Variants in NAA20 observed in about 807,000 individuals in gnomAD.
NAA20 encodes N-alpha-acetyltransferase 20, NatB catalytic subunit.
In NAA20, 24 loss-of-function variants were observed where a neutral mutation model predicts 23.8. The observed-to-expected ratio is 1.01, with a 90% CI of 0.73 to 1.42. The LOEUF is 1.42. Among genes scored for constraint, NAA20 ranks in the 40% most tolerant of loss-of-function variants. The pLI is 0.00. For synonymous variants in NAA20, 83 were observed against 77.7 expected, an observed-to-expected ratio of 1.07 and a Z score of -0.36; for missense variants, 166 against 223.1, an observed-to-expected ratio of 0.74 and a Z score of 1.63.
chr20:20,026,770 G>T lies in NAA20; in HGVS notation c.170-14G>T. On this transcript the variant is annotated splice_polypyrimidine_tract_variant and intron_variant, in intron 3 of 5. Coordinates refer to ENST00000334982, the MANE Select transcript of NAA20 (RefSeq NM_016100.5). ...TGTCTAGTTACTGAATGTGATTTTT[G>T]TTGTTGTTGGCAGTTATGGGTAAAG... The T allele has an allele frequency of 6.2e-7, 1 of 1,611,364 alleles. No homozygotes were observed. Among genetic ancestry groups the T allele is most frequent in the South Asian group, 1.1e-5 (1 of 90,716 alleles).
intron 2 of NAA20, among the ~76,000 whole-genome samples, chr20:20,024,654 G>C (rs2043295228): frequency 6.6e-6 from 1 of 152,172 alleles, no homozygotes; most frequent in South Asian, 2.1e-4. Context: ...ATATTTGAAA[G>C]TAACCTGTTA....
intron 1 of NAA20, chr20:20,018,431 G>A (rs1180054508): frequency 9.5e-6 from 2 of 209,650 alleles, no homozygotes; most frequent in South Asian, 9.4e-5. Context: ...TCCGATTCAA[G>A]TGTCAGGAAG....
At chr20:20,028,766 A>T (rs1223282667) in intron 4 of NAA20, among the ~76,000 whole-genome samples, 1 of 152,200 alleles carries the variant, frequency 6.6e-6, no homozygotes, top group African/African-American at 2.4e-5. Flanking sequence ...ATAGAAACCA[A>T]ACAAGTAGAG....
intron 1 of NAA20, among the ~76,000 whole-genome samples, chr20:20,021,447 A>T (rs2043267743): frequency 6.6e-6 from 1 of 152,200 alleles, no homozygotes; most frequent in Non-Finnish European, 1.5e-5. Flanking sequence ...AATTGTTAAA[A>T]CAATGCCATT....
intron 2 of NAA20, among the ~76,000 whole-genome samples, chr20:20,024,586 G>T (rs954553359): frequency 6.6e-6 from 1 of 152,158 alleles, no homozygotes; most frequent in Admixed American, 6.5e-5. Flanking sequence ...CGTTTATATG[G>T]TGTGCTTCCA....
intron 2 of NAA20, among the ~76,000 whole-genome samples, chr20:20,023,143 C>T (rs2043282533): frequency 6.6e-6 from 1 of 152,134 alleles, no homozygotes; most frequent in Non-Finnish European, 1.5e-5. Context: ...CAAGAACTAG[C>T]CAGCCGTGGT....
At chr20:20,017,926 A>G in intron 1 of NAA20, 4 of 1,610,184 alleles carry the variant, frequency 2.5e-6, no homozygotes, top group East Asian at 2.2e-5. Flanking sequence ...GAAGCTGGTC[A>G]GCAGCTGTTG....
Position 20,025,779 on chromosome 20 carries a change from A to G in NAA20, c.169+12A>G, listed in dbSNP as rs775460326. ...ATTAATGGGTTATAGTAAGTATAAT[A>G]CCACTAGTATTTTGTGGAGTAGGTA... On this transcript the variant is annotated intron_variant, in intron 3 of 5. Coordinates refer to ENST00000334982, the MANE Select transcript of NAA20 (RefSeq NM_016100.5). 11 of 1,516,896 alleles carry G rather than the reference A, an allele frequency of 7.3e-6. No individual in the cohort carries two copies. The South Asian group carries it at 1.1e-4, about 15-fold the overall frequency. 94.0% of individuals were successfully genotyped at this position (1,516,896 alleles called of 1,614,324 possible).
chr20:20,025,102 A>G (rs992462094), intron 2 of NAA20, among the ~76,000 whole-genome samples: 3 of 152,246 alleles, frequency 2.0e-5, no homozygotes, highest in Non-Finnish European at 4.4e-5. Flanking sequence ...GTCAGCTTTT[A>G]TCTGCATTAC....
At chr20:20,019,582 C>T (rs1041786512) in intron 1 of NAA20, among the ~76,000 whole-genome samples, 5 of 152,100 alleles carry the variant, frequency 3.3e-5, no homozygotes, top group African/African-American at 9.7e-5. Context: ...TCCACTTATT[C>T]CCCATTTTCT....
intron 1 of NAA20, among the ~76,000 whole-genome samples, chr20:20,020,817 G>A (rs991706995): frequency 3.3e-5 from 5 of 152,192 alleles, no homozygotes; most frequent in African/African-American, 1.2e-4. Flanking sequence ...GGCTGTCCCA[G>A]GAGTGGGAAG....
intron 4 of NAA20, among the ~76,000 whole-genome samples, chr20:20,030,794 GAATT>G (rs960483766): frequency 5.3e-5 from 8 of 151,862 alleles, no homozygotes; most frequent in Non-Finnish European, 1.0e-4. Context: ...TAAATGTTTA[GAATT>G]AATAAAAGGT....
At chr20:20,026,451 T>C (rs1020819843) in intron 3 of NAA20, among the ~76,000 whole-genome samples, 1 of 152,130 alleles carries the variant, frequency 6.6e-6, no homozygotes, top group Admixed American at 6.5e-5. Context: ...TACATCCACA[T>C]GTACCCACAT....
At chr20:20,021,683 GAAA>G (rs2043269473) in intron 1 of NAA20, among the ~76,000 whole-genome samples, 1 of 152,202 alleles carries the variant, frequency 6.6e-6, no homozygotes, top group Non-Finnish European at 1.5e-5. Flanking sequence ...CTGGACTACA[GAAA>G]TATGATATGA....
intron 3 of NAA20, among the ~76,000 whole-genome samples, chr20:20,026,173 C>G (rs1467821856): frequency 6.6e-6 from 1 of 152,024 alleles, no homozygotes. Context: ...GGCGTGGTAT[C>G]GCGTGCCTAT....
At position 20,033,326 on chromosome 20, in the gene NAA20, T is replaced by C; in HGVS notation, c.*139T>C. ...ACTTCAAGAAAATACAGGTTATCAA[T>C]TTATTTTAAATCTCATTGTTTCCAG... is the stretch of plus-strand genomic sequence containing the variant. On this transcript the variant is annotated 3_prime_UTR_variant, in exon 6 of 6. Coordinates refer to ENST00000334982, the MANE Select transcript of NAA20 (RefSeq NM_016100.5). 1.5e-6 allele frequency: 1 copy of C among 647,630 alleles called. No individual in the cohort carries two copies. The highest frequency in any genetic ancestry group is 2.6e-6 in the Non-Finnish European group (1 of 382,292). The allele number at this position is 647,630 out of a possible 1,614,324, so 40.1% of individuals were successfully genotyped here. A position where few individuals can be genotyped will look rare whatever the true frequency, so the allele number is the denominator to read the frequency against.
At position 20,033,110 on chromosome 20, in the gene NAA20, A is replaced by G; in HGVS notation, c.460A>G (p.Lys154Glu). ...ACTTTGCTTCTTTACAGATATGAGG[A>G]AAGCACTTTCCAGGGATACTGAGAA... Reference protein sequence around the residue: ...EPDEDAYDMRKALSRDTEKKS... With the variant: ...EPDEDAYDMREALSRDTEKKS... The change falls in exon 6 of 6, where the codon AAA (lysine) becomes GAA (glutamate). Residue 154 changes from lysine to glutamate, a missense_variant. Transcript: ENST00000334982. The G allele has an allele frequency of 3.1e-6, 5 of 1,612,586 alleles. No homozygotes were observed. Among genetic ancestry groups the G allele is most frequent in the Non-Finnish European group, 4.2e-6 (5 of 1,178,680 alleles).
chr20:20,029,745 A>T (rs575253764), intron 4 of NAA20, among the ~76,000 whole-genome samples: 7 of 152,190 alleles, frequency 4.6e-5, no homozygotes, highest in Non-Finnish European at 1.0e-4. Context: ...GGAGATTTAG[A>T]CATGCTTTTT....
At position 20,018,347 on chromosome 20, in the gene NAA20, C is replaced by T. The variant is rs544518073; in HGVS notation, c.53+898C>T. The T allele has an allele frequency of 8.9e-5, 41 of 461,470 alleles. No individual in the cohort carries two copies. In the Middle Eastern group the frequency reaches 1.8e-3, roughly 21 times the overall value. The allele number at this position is 461,470 out of a possible 1,614,324, so 28.6% of individuals were successfully genotyped here. A position where few individuals can be genotyped will look rare whatever the true frequency, so the allele number is the denominator to read the frequency against. ...TTTGCTACGCTGGTATCTCTCCTTC[C>T]TTCCCATCTATCAGTCCTGGATCCA... On this transcript the variant is annotated intron_variant, in intron 1 of 5. Transcript: ENST00000334982.
Sources: allele counts gnomAD v4.1 joint callset (sites outside exome capture counted in the v4.1 genomes callset), GRCh38; gene constraint gnomAD v4.1.1; transcripts MANE v1.5; gene names NCBI Gene and HGNC (gene_info 2026-07-23, HGNC 2026-07-21).